The following ARL5A variants were observed in gnomAD, a reference collection of about 807,000 sequenced individuals.
ARL5A encodes the protein ADP-ribosylation factor-like protein 5A.
A neutral mutation model predicts 25.9 loss-of-function variants in ARL5A; 18 were observed. The observed-to-expected ratio is 0.69, with a 90% CI of 0.48 to 1.03. The LOEUF (loss-of-function observed/expected upper bound fraction) is 1.03. ARL5A is among the 50% of genes least tolerant of loss of function. The pLI, the probability that ARL5A is intolerant of heterozygous loss-of-function variation, is 0.00. For missense variants in ARL5A, 170 were observed against 211.9 expected (o/e 0.80, Z 1.23); for synonymous variants, 61 against 67.5 (o/e 0.90, Z 0.47).
In ARL5A at chr2:151,802,572, A is replaced by G. The variant is rs1394555969; in HGVS notation, c.*704T>C. The G allele has an allele frequency of 6.6e-6, 1 of 151,754 alleles. No individual in the cohort carries two copies. The highest frequency in any genetic ancestry group is 2.4e-5 in the African/African-American group (1 of 41,304). 9.4% of individuals were successfully genotyped at this position (151,754 alleles called of 1,614,324 possible). On this transcript the variant is annotated 3_prime_UTR_variant, in exon 6 of 6. Transcript: ENST00000295087. The stretch of plus-strand genomic sequence containing the variant: ...GTGTGATTTTGGTCAACAACAAAAA[A>G]TCGATACACAATGTCATGCTTTTTC...
At chr2:151,824,988 AAAC>A (rs1239828813) in intron 1 of ARL5A, among the ~76,000 whole-genome samples, 8 of 152,346 alleles carry the variant, frequency 5.3e-5, no homozygotes, top group Admixed American at 3.9e-4. Context: ...ATATTAAATC[AAAC>A]AACCTGTGTG....
At chr2:151,826,167 A>T (rs1194458148) in intron 1 of ARL5A, among the ~76,000 whole-genome samples, 1 of 152,194 alleles carries the variant, frequency 6.6e-6, no homozygotes, top group Non-Finnish European at 1.5e-5. Flanking sequence ...CTGGCATTAG[A>T]TTAAATGGTG....
intron 1 of ARL5A, among the ~76,000 whole-genome samples, chr2:151,818,510 C>T (rs2099831829): frequency 6.6e-6 from 1 of 152,184 alleles, no homozygotes; most frequent in Admixed American, 6.5e-5. Context: ...CTCCTGGGCT[C>T]AAGCAATCCT....
Position 151,806,964 on chromosome 2 carries a change from T to C in ARL5A, c.348A>G (p.Arg116=). ...TAGCAAAAATCAGCAATCCAGCTTT[T>C]CTTAGGTCCTATTAAAGCAAATAAA... is the stretch of plus-strand genomic sequence containing the variant. ...LYKMLAHEDL[R]KAGLLIFANK... Residue 116 remains arginine, a synonymous_variant, in exon 5 of 6, where the codon AGA becomes AGG. Coordinates refer to ENST00000295087, the MANE Select transcript of ARL5A (RefSeq NM_012097.4). 1 of 1,610,624 alleles carries C rather than the reference T, an allele frequency of 6.2e-7. No homozygotes were observed. Among genetic ancestry groups the C allele is most frequent in the Non-Finnish European group, 8.5e-7 (1 of 1,178,816 alleles).
chr2:151,818,397 C>T (rs893765475), intron 1 of ARL5A, among the ~76,000 whole-genome samples: 1 of 152,254 alleles, frequency 6.6e-6, no homozygotes, highest in South Asian at 2.1e-4. Flanking sequence ...ACCCACCTCA[C>T]CCTCCTGAGT....
At position 151,800,562 on chromosome 2, in the gene ARL5A, T is replaced by C. The variant is rs2151290033; in HGVS notation, c.*2714A>G. On this transcript the variant is annotated 3_prime_UTR_variant, in exon 6 of 6. Coordinates refer to ENST00000295087, the MANE Select transcript of ARL5A (RefSeq NM_012097.4). ...GTCACATAAGAAAATGAATCCCCTATCCACTTCCCCACTATAACCCCTATA... is the reference window on the plus strand; with the variant it reads ...GTCACATAAGAAAATGAATCCCCTACCCACTTCCCCACTATAACCCCTATA... 1 of 152,318 alleles carries C rather than the reference T, an allele frequency of 6.6e-6. No individual in the cohort carries two copies. Among genetic ancestry groups the C allele is most frequent in the South Asian group, 2.1e-4 (1 of 4,814 alleles). 9.4% of individuals were successfully genotyped at this position (152,318 alleles called of 1,614,324 possible).
At chr2:151,806,776 A>G in intron 5 of ARL5A, 45 bp downstream of exon 5, 1 of 1,564,136 alleles carries the variant, frequency 6.4e-7, no homozygotes, top group Non-Finnish European at 8.6e-7. Flanking sequence ...ACATGTTACT[A>G]AGCAAAATAA....
intron 1 of ARL5A, among the ~76,000 whole-genome samples, chr2:151,820,829 C>CG (rs1327191848): frequency 3.9e-5 from 6 of 151,934 alleles, no homozygotes; most frequent in Non-Finnish European, 7.4e-5. Context: ...TAAGAATGTC[C>CG]GGAAGTCCTA....
intron 4 of ARL5A, among the ~76,000 whole-genome samples, chr2:151,808,541 A>ATATAGT: frequency 6.6e-6 from 1 of 152,364 alleles, no homozygotes; most frequent in Non-Finnish European, 1.5e-5. Flanking sequence ...ACCACAGTTT[A>ATATAGT]TATAGTTATC....
At chr2:151,820,604 G>T (rs1052722791) in intron 1 of ARL5A, among the ~76,000 whole-genome samples, 3 of 137,326 alleles carry the variant, frequency 2.2e-5, no homozygotes, top group Non-Finnish European at 4.5e-5. Flanking sequence ...AGGTTGCAGT[G>T]AGCCAAGATT....
chr2:151,820,901 A>C (rs528512145), intron 1 of ARL5A, among the ~76,000 whole-genome samples: 1 of 152,278 alleles, frequency 6.6e-6, no homozygotes, highest in South Asian at 2.1e-4. Flanking sequence ...AATGGCTATG[A>C]ACAAGAGGAG....
chr2:151,809,901 G>A lies in ARL5A; in HGVS notation c.339+2456C>T, dbSNP rs35162362. Among the ~76,000 whole-genome samples the A allele has an allele frequency of 5.8e-3, 876 of 152,284 alleles. 10 individuals carry two copies. The highest frequency in any genetic ancestry group is 7.4e-3 in the Non-Finnish European group (501 of 68,016). ...GTTCGAGACCAGCCTGGCCAACATG[G>A]TAAAACCCCGTCTCTACTAAAAATA... On this transcript the variant is annotated intron_variant, in intron 4 of 5. Transcript: ENST00000295087.
chr2:151,804,447 C>T (rs2099829829), intron 5 of ARL5A, among the ~76,000 whole-genome samples: 1 of 151,968 alleles, frequency 6.6e-6, no homozygotes, highest in Non-Finnish European at 1.5e-5. Flanking sequence ...TTTTTCAATT[C>T]AGAGTTTTGT....
In ARL5A at chr2:151,814,030, A is replaced by G. The variant is rs1234573538; in HGVS notation, c.255+139T>C. 1.1e-5 allele frequency: 8 copies of G among 705,098 alleles called. No homozygotes were observed. The Admixed American group carries it at 3.0e-4, about 26-fold the overall frequency. The allele number at this position is 705,098 out of a possible 1,614,324, so 43.7% of individuals were successfully genotyped here. Reference sequence around the variant, plus strand: ...TATTGAACAATGACCTTGGAATAGGAAATCAGATTTTACTCTGCTTAAACT... The same window carrying G: ...TATTGAACAATGACCTTGGAATAGGGAATCAGATTTTACTCTGCTTAAACT... On this transcript the variant is annotated intron_variant, in intron 3 of 5. Transcript: ENST00000295087.
chr2:151,813,025 T>C (rs553940731), intron 3 of ARL5A, among the ~76,000 whole-genome samples: 2 of 152,254 alleles, frequency 1.3e-5, no homozygotes, highest in South Asian at 4.1e-4. Context: ...ATGAAAGACT[T>C]GTGATTGTTG....
rs916702454 is a variant in ARL5A, at chr2:151,803,376, G to GCAGCAAACTATGAA, written c.492-66_492-53dup. On this transcript the variant is annotated intron_variant, in intron 5 of 5. Coordinates refer to ENST00000295087, the MANE Select transcript of ARL5A (RefSeq NM_012097.4). ...TAAATTCTGAACTAAGAAGCTATGA[G>GCAGCAAACTATGAA]CAGCAAACTATGAACAGCAAACTAA... 5 of 1,338,210 alleles carry GCAGCAAACTATGAA rather than the reference G, an allele frequency of 3.7e-6. No homozygotes were observed. In the East Asian group the frequency reaches 9.2e-5, roughly 25 times the overall value. 82.9% of individuals were successfully genotyped at this position (1,338,210 alleles called of 1,614,324 possible). A position where few individuals can be genotyped will look rare whatever the true frequency, so the allele number is the denominator to read the frequency against.
At position 151,814,154 on chromosome 2, in the gene ARL5A, T is replaced by C. The variant is rs775897012; in HGVS notation, c.255+15A>G. On this transcript the variant is annotated intron_variant, in intron 3 of 5. Transcript: ENST00000295087. ...ATTCTGTTTATAGAATTTTAAATAT[T>C]GTAAGAAACATTACCTCTGTGTTAG... 5.8e-6 allele frequency: 9 copies of C among 1,550,836 alleles called. No individual in the cohort carries two copies. The highest frequency in any genetic ancestry group is 2.2e-5 in the Admixed American group (1 of 45,936).
rs1308066487 is a variant in ARL5A, at chr2:151,802,409, T to G, written c.*867A>C. ...TTCACTGATTAATGGATTAATAATT[T>G]ATTCAGTAATTTAGATGCCATAAGA... On this transcript the variant is annotated 3_prime_UTR_variant, in exon 6 of 6. Transcript: ENST00000295087. 6.6e-6 allele frequency: 1 copy of G among 152,128 alleles called. No individual in the cohort carries two copies. The allele number at this position is 152,128 out of a possible 1,614,324, so 9.4% of individuals were successfully genotyped here. A position where few individuals can be genotyped will look rare whatever the true frequency, so the allele number is the denominator to read the frequency against.
chr2:151,823,911 G>A, intron 1 of ARL5A, among the ~76,000 whole-genome samples: 1 of 152,188 alleles, frequency 6.6e-6, no homozygotes, highest in Non-Finnish European at 1.5e-5. Flanking sequence ...TACAAGCAGA[G>A]CCCGTCAAGA....
Sources: allele counts gnomAD v4.1 joint callset (sites outside exome capture counted in the v4.1 genomes callset), GRCh38; gene constraint gnomAD v4.1.1; transcripts MANE v1.5; gene names NCBI Gene and HGNC (gene_info 2026-07-23, HGNC 2026-07-21).